The following ZNF710 variants were observed in gnomAD, a reference collection of about 807,000 sequenced individuals.
The protein encoded by ZNF710 is zinc finger protein 710.
ZNF710 carries 13 observed loss-of-function variants against 50.6 expected under a neutral mutation model. The observed-to-expected ratio is 0.26, with a 90% CI of 0.17 to 0.41. The LOEUF is 0.41. Ranked by LOEUF, ZNF710 falls within the 10% of genes least tolerant of loss-of-function variation. The probability of loss-of-function intolerance (pLI) is 1.00; values close to 1 mark genes in which losing one functional copy is unlikely to be tolerated. For missense variants in ZNF710, 721 were observed against 936.6 expected (o/e 0.77, Z 3.01); for synonymous variants, 383 against 397.0 (o/e 0.96, Z 0.42).
chr15:90,076,817 A>C (rs1330227619), intron 4 of ZNF710, among the ~76,000 whole-genome samples: 3 of 150,040 alleles, frequency 2.0e-5, no homozygotes, highest in Non-Finnish European at 4.4e-5. Context: ...CCATCCCACC[A>C]CCCAAACAAG....
Position 90,077,009 on chromosome 15 carries a change from C to T in ZNF710, c.1826-2651C>T, listed in dbSNP as rs908663639. Among the ~76,000 whole-genome samples the T allele has an allele frequency of 1.3e-5, 2 of 152,194 alleles. 1 individual carries two copies. Among genetic ancestry groups the T allele is most frequent in the Non-Finnish European group, 2.9e-5 (2 of 68,044 alleles). On this transcript the variant is annotated intron_variant, in intron 4 of 4. Coordinates refer to ENST00000268154, the MANE Select transcript of ZNF710 (RefSeq NM_198526.4). ...GCTCCAGGTCCCCACCTCCCTCATA[C>T]AGCCTTGGTCTGGGAAGCCCAGGCT...
chr15:90,002,240 A>T (rs957934286), intron 1 of ZNF710, among the ~76,000 whole-genome samples: 260 of 150,806 alleles, frequency 1.7e-3, no homozygotes, highest in African/African-American at 6.1e-3. Flanking sequence ...GGTGGGGGAG[A>T]GCTGAGCGCG....
chr15:90,038,336 T>TGACAGAAAAGTTAAGAACCTTCGTCCA (rs1899191872), intron 1 of ZNF710, among the ~76,000 whole-genome samples: 2 of 152,234 alleles, frequency 1.3e-5, no homozygotes, highest in African/African-American at 4.8e-5. Flanking sequence ...TTTTCAAACT[T>TGACAGAAAAGTTAAGAACCTTCGTCCA]GACAGAAAAG....
At chr15:90,014,995 C>T (rs1433728625) in intron 1 of ZNF710, among the ~76,000 whole-genome samples, 1 of 151,244 alleles carries the variant, frequency 6.6e-6, no homozygotes, top group African/African-American at 2.4e-5. Context: ...CAGGTTCAAG[C>T]GATTCTCCTG....
intron 1 of ZNF710, among the ~76,000 whole-genome samples, chr15:90,050,921 C>T (rs948414298): frequency 1.3e-5 from 2 of 152,148 alleles, no homozygotes; most frequent in African/African-American, 2.4e-5. Flanking sequence ...CCAGCCTGGC[C>T]GGATGATAGG....
At position 90,042,352 on chromosome 15, in the gene ZNF710, C is replaced by G. The variant is rs549788072; in HGVS notation, c.-28-24758C>G. ...TTTCCCTGATCCATTGTGTCTCCCC[C>G]CCACCCCCTCCAGGCAGCATTAGGT... On this transcript the variant is annotated intron_variant, in intron 1 of 4. Coordinates refer to ENST00000268154, the MANE Select transcript of ZNF710 (RefSeq NM_198526.4). Among the ~76,000 whole-genome samples, 128 of 152,108 alleles carry G rather than the reference C, an allele frequency of 8.4e-4. 1 individual carries two copies. The highest frequency in any genetic ancestry group is 1.1e-3 in the Non-Finnish European group (76 of 68,004).
intron 1 of ZNF710, chr15:90,006,610 A>AG (rs919845645): frequency 9.2e-5 from 14 of 152,566 alleles, no homozygotes; most frequent in African/African-American, 3.4e-4. Context: ...AATCATGGAG[A>AG]GGGGGAGGGG....
In ZNF710 at chr15:90,062,839, C is replaced by T. The variant is rs193265656; in HGVS notation, c.-28-4271C>T. Reference sequence around the variant, plus strand: ...AGCCCCTTCTGCATACACACACGCGCGCACGCGCACACACACACAGCCTGC... The same window carrying T: ...AGCCCCTTCTGCATACACACACGCGTGCACGCGCACACACACACAGCCTGC... On this transcript the variant is annotated intron_variant, in intron 1 of 4. Transcript: ENST00000268154. The surrounding 1 kb of genome is among the most constrained non-coding windows in gnomAD (Gnocchi z 5.6). 2.8e-3 allele frequency among the ~76,000 whole-genome samples: 419 copies of T among 152,266 alleles called. No homozygotes were observed. Among genetic ancestry groups the T allele is most frequent in the African/African-American group, 9.5e-3 (393 of 41,536 alleles).
intron 4 of ZNF710, 130 bp from the exon 5 acceptor site, chr15:90,079,530 G>A (rs2151542852): frequency 8.7e-7 from 1 of 1,152,854 alleles, no homozygotes; most frequent in Admixed American, 2.7e-5. Context: ...AAGGCTGAGA[G>A]GCAGCTGAGA....
intron 1 of ZNF710, among the ~76,000 whole-genome samples, chr15:90,042,206 C>T (rs766151091): frequency 6.6e-6 from 1 of 152,080 alleles, no homozygotes; most frequent in African/African-American, 2.4e-5. Context: ...CCCTGTGCCT[C>T]TTTGTATTTT....
In ZNF710 at chr15:90,058,701, T is replaced by TATATATATATATATATATATATA. The variant is rs1567236919; in HGVS notation, c.-28-8409_-28-8408insATATATATATATATATATATATA. On this transcript the variant is annotated intron_variant, in intron 1 of 4. Transcript: ENST00000268154. The stretch of plus-strand genomic sequence containing the variant: ...AGAACCAGTAGGAGACACTATATAT[T>TATATATATATATATATATATATA]TATATATATATATATATACACACAT... 1.5e-3 allele frequency among the ~76,000 whole-genome samples: 213 copies of TATATATATATATATATATATATA among 143,414 alleles called. 3 individuals carry two copies. The highest frequency in any genetic ancestry group is 2.4e-3 in the Non-Finnish European group (160 of 65,782). 94.1% of individuals were successfully genotyped at this position (143,414 alleles called of 152,430 possible).
intron 1 of ZNF710, among the ~76,000 whole-genome samples, chr15:90,019,000 A>ATT (rs5814408): frequency 4.0e-5 from 6 of 149,976 alleles, no homozygotes; most frequent in East Asian, 1.9e-4. Context: ...GCTTTTATTG[A>ATT]TTTTTTTTTC....
At chr15:90,011,089 C>A (rs1488255697) in intron 1 of ZNF710, among the ~76,000 whole-genome samples, 1 of 151,956 alleles carries the variant, frequency 6.6e-6, no homozygotes, top group Non-Finnish European at 1.5e-5. Context: ...TGCCACCATG[C>A]CTGGCTAATC....
intron 1 of ZNF710, among the ~76,000 whole-genome samples, chr15:90,007,379 G>A (rs951117660): frequency 1.3e-5 from 2 of 152,068 alleles, no homozygotes; most frequent in East Asian, 1.9e-4. Flanking sequence ...AAGACCAGAC[G>A]GTTGAAATCA....
chr15:90,045,485 T>C, intron 1 of ZNF710: 3 of 840,374 alleles, frequency 3.6e-6, no homozygotes, highest in Non-Finnish European at 4.3e-6. Context: ...TGAGAGATGG[T>C]TTCTCTGAGG....
chr15:90,007,028 C>T (rs1898157415), intron 1 of ZNF710, among the ~76,000 whole-genome samples: 1 of 152,110 alleles, frequency 6.6e-6, no homozygotes, highest in Non-Finnish European at 1.5e-5. Context: ...GATGGAGACC[C>T]TGCAGACTCT....
chr15:90,066,500 CAG>C (rs1239312184), intron 1 of ZNF710, among the ~76,000 whole-genome samples: 1 of 104,612 alleles, frequency 9.6e-6, no homozygotes, highest in Non-Finnish European at 1.8e-5. Flanking sequence ...TTTTTTGAGA[CAG>C]AGTGTCACTT....
rs576536562 is a variant in ZNF710, at chr15:90,073,987, C to G, written c.1651-129C>G. On this transcript the variant is annotated intron_variant, in intron 3 of 4. Coordinates refer to ENST00000268154, the MANE Select transcript of ZNF710 (RefSeq NM_198526.4). ...CCTGGACAACAGAGTGAGAGTCTGT[C>G]TCAAAAAAAAAACAAAAAAAAAAAA... 9.1e-6 allele frequency: 8 copies of G among 881,200 alleles called. No homozygotes were observed. In the African/African-American group the frequency reaches 1.7e-4, roughly 19 times the overall value. The allele number at this position is 881,200 out of a possible 1,614,324, so 54.6% of individuals were successfully genotyped here.
At chr15:90,008,441 C>CACACATATATATATACATATATATATAT (rs1555454983) in intron 1 of ZNF710, among the ~76,000 whole-genome samples, 2 of 126,512 alleles carry the variant, frequency 1.6e-5, no homozygotes, top group African/African-American at 7.6e-5. Context: ...TATATATATA[C>CACACATATATATATACATATATATATAT]ATATATATAT....
Sources: gnomAD v4.1 joint callset for allele counts (sites outside exome capture counted in the v4.1 genomes callset) on GRCh38, gnomAD v4.1.1 for gene constraint, Gnocchi (gnomAD v3.1) non-coding constraint, MANE v1.5 for transcripts, NCBI Gene and HGNC (gene_info 2026-07-23, HGNC 2026-07-21) for gene names.